Variants in GATAD2A observed in about 807,000 individuals in gnomAD.
GATAD2A encodes the protein GATA zinc finger domain containing 2A, also known as transcriptional repressor p66-alpha.
In GATAD2A, 12 loss-of-function variants were observed where a neutral mutation model predicts 68.5. The observed-to-expected ratio is 0.18, with a 90% CI of 0.11 to 0.28. The LOEUF (loss-of-function observed/expected upper bound fraction) is 0.28. Ranked by LOEUF, GATAD2A falls within the 10% of genes least tolerant of loss-of-function variation. The probability of loss-of-function intolerance (pLI) is 1.00; values close to 1 mark genes in which losing one functional copy is unlikely to be tolerated. For synonymous variants in GATAD2A, 410 were observed against 375.3 expected (o/e 1.09, Z -1.07); for missense variants, 755 against 868.5 (o/e 0.87, Z 1.64).
rs762250426 is a variant in GATAD2A at position 19,506,180 on chromosome 19, C to T, written c.*706C>T. ...GGGATGGCCGAGGCAGCCCTCGCTC[C>T]AGCTGAACGCCTCCATTGCTGCTTG... is the stretch of plus-strand genomic sequence containing the variant. On this transcript the variant is annotated 3_prime_UTR_variant, in exon 12 of 12. Transcript: ENST00000683918. The T allele has an allele frequency of 2.5e-6, 1 of 398,778 alleles. No homozygotes were observed. Among genetic ancestry groups the T allele is most frequent in the Non-Finnish European group, 4.4e-6 (1 of 225,938 alleles). The allele number at this position is 398,778 out of a possible 1,614,324, so 24.7% of individuals were successfully genotyped here. A position where few individuals can be genotyped will look rare whatever the true frequency, so the allele number is the denominator to read the frequency against.
intron 1 of GATAD2A, among the ~76,000 whole-genome samples, chr19:19,410,882 C>T (rs992279915): frequency 2.0e-5 from 3 of 152,184 alleles, no homozygotes; most frequent in Admixed American, 1.3e-4. Context: ...TACTATCTCC[C>T]GTGGAAGGCT....
rs78079701 is a variant in GATAD2A, at chr19:19,496,286, C to T, written c.924+67C>T. 91 of 1,423,216 alleles carry T rather than the reference C, an allele frequency of 6.4e-5. No homozygotes were observed. The East Asian group carries it at 2.0e-3, about 31-fold the overall frequency. 88.2% of individuals were successfully genotyped at this position (1,423,216 alleles called of 1,614,324 possible). A position where few individuals can be genotyped will look rare whatever the true frequency, so the allele number is the denominator to read the frequency against. ...CACCTGTGACTGCTCCCCTTGGACC[C>T]AGGTTCTGGGGCACAGTAGTGTTTC... On this transcript the variant is annotated intron_variant, in intron 7 of 11. Coordinates refer to ENST00000683918, the MANE Select transcript of GATAD2A (RefSeq NM_001384528.1).
chr19:19,470,727 A>G (rs974982054), intron 2 of GATAD2A, among the ~76,000 whole-genome samples: 2 of 151,932 alleles, frequency 1.3e-5, no homozygotes, highest in South Asian at 4.2e-4. Context: ...ACCATAAAAC[A>G]AGGCTCCAGT....
chr19:19,505,819 C>T lies in GATAD2A; in HGVS notation c.*345C>T. 2 of 438,250 alleles carry T rather than the reference C, an allele frequency of 4.6e-6. No homozygotes were observed. The highest frequency in any genetic ancestry group is 1.3e-4 in the South Asian group (2 of 14,970). 27.1% of individuals were successfully genotyped at this position (438,250 alleles called of 1,614,324 possible). On this transcript the variant is annotated 3_prime_UTR_variant, in exon 12 of 12. Coordinates refer to ENST00000683918, the MANE Select transcript of GATAD2A (RefSeq NM_001384528.1). ...GGCCCCCTTGTTCAGCCCCTGCCGG[C>T]ACACGGGCGGCTCACCCTGGACACT...
chr19:19,460,835 G>A (rs1185188662), intron 1 of GATAD2A, among the ~76,000 whole-genome samples: 1 of 152,202 alleles, frequency 6.6e-6, no homozygotes, highest in East Asian at 1.9e-4. Context: ...GAGCAAGCCA[G>A]ATTCCTCCCC....
intron 1 of GATAD2A, among the ~76,000 whole-genome samples, chr19:19,409,686 G>A (rs763894124): frequency 6.6e-6 from 1 of 152,044 alleles, no homozygotes; most frequent in Non-Finnish European, 1.5e-5. Flanking sequence ...AAAAAAAGAC[G>A]GATCTTGAAG....
At chr19:19,501,071 CTG>C (rs2060492785) in intron 8 of GATAD2A, 45 bp from the exon 9 acceptor site, 1 of 1,554,100 alleles carries the variant, frequency 6.4e-7, no homozygotes, top group Non-Finnish European at 8.8e-7. Context: ...AGGGCCCTGA[CTG>C]TCGTCCTGGC....
At chr19:19,422,685 C>T (rs2052563224) in intron 1 of GATAD2A, among the ~76,000 whole-genome samples, 3 of 151,646 alleles carry the variant, frequency 2.0e-5, no homozygotes, top group Admixed American at 6.6e-5. Context: ...TGTGTACAGC[C>T]TTGCATTTCT....
intron 1 of GATAD2A, among the ~76,000 whole-genome samples, chr19:19,429,402 G>A (rs1320416122): frequency 1.3e-5 from 2 of 152,124 alleles, no homozygotes; most frequent in African/African-American, 2.4e-5. Context: ...TTGAAAGGAG[G>A]CCAGGTGGTT....
At chr19:19,486,057 C>A (rs1340552220) in intron 2 of GATAD2A, among the ~76,000 whole-genome samples, 3 of 152,202 alleles carry the variant, frequency 2.0e-5, no homozygotes, top group Non-Finnish European at 4.4e-5. Flanking sequence ...ACCCTGGAAC[C>A]TCCATCAAGG....
rs184947546 is a variant in GATAD2A, at chr19:19,487,686, G to A, written c.270-4620G>A. Among the ~76,000 whole-genome samples, 20 of 152,332 alleles carry A rather than the reference G, an allele frequency of 1.3e-4. No homozygotes were observed. The East Asian group carries it at 3.3e-3, about 25-fold the overall frequency. ...CAGGCTTCCTGAGGCATGTTGAAGA[G>A]GGATGTTCTGCAGGCAGAACATGGC... On this transcript the variant is annotated intron_variant, in intron 2 of 11. Coordinates refer to ENST00000683918, the MANE Select transcript of GATAD2A (RefSeq NM_001384528.1).
chr19:19,401,244 C>A (rs1341982897), upstream of GATAD2A, among the ~76,000 whole-genome samples: 1 of 129,316 alleles, frequency 7.7e-6, no homozygotes, highest in Non-Finnish European at 1.6e-5. Context: ...GAAGGAGTCT[C>A]CTTCTGTCGC....
intron 2 of GATAD2A, 44 bp downstream of exon 2, chr19:19,465,658 A>G (rs749487445): frequency 1.3e-6 from 2 of 1,553,952 alleles, no homozygotes; most frequent in South Asian, 2.3e-5. Flanking sequence ...CCTGGAGACA[A>G]GCCCAGTGTG....
chr19:19,498,977 CG>C (rs1204297185), intron 8 of GATAD2A, among the ~76,000 whole-genome samples: 4 of 152,098 alleles, frequency 2.6e-5, no homozygotes, highest in Admixed American at 2.6e-4. Flanking sequence ...GTGACGTTGG[CG>C]TGTGGTGGGG....
At chr19:19,489,973 T>G (rs1355799585) in intron 2 of GATAD2A, among the ~76,000 whole-genome samples, 1 of 152,192 alleles carries the variant, frequency 6.6e-6, no homozygotes, top group Non-Finnish European at 1.5e-5. Context: ...TGAGGTCACC[T>G]TGAAAGTCGA....
chr19:19,489,031 G>A (rs1568330116), intron 2 of GATAD2A, among the ~76,000 whole-genome samples: 2 of 152,198 alleles, frequency 1.3e-5, no homozygotes, highest in East Asian at 3.8e-4. Context: ...CTGAAATAAT[G>A]CCTGCAATCA....
intron 2 of GATAD2A, among the ~76,000 whole-genome samples, chr19:19,491,104 G>T (rs1323479688): frequency 1.3e-5 from 2 of 152,168 alleles, no homozygotes; most frequent in Non-Finnish European, 2.9e-5. Flanking sequence ...AATCAGACTA[G>T]TGTGTTCCTG....
chr19:19,480,820 T>A (rs2059007646), intron 2 of GATAD2A, among the ~76,000 whole-genome samples: 1 of 152,186 alleles, frequency 6.6e-6, no homozygotes, highest in African/African-American at 2.4e-5. Flanking sequence ...GTTGTGGGTG[T>A]ACCTAGCTGG....
At chr19:19,462,904 G>A (rs994300146) in intron 1 of GATAD2A, among the ~76,000 whole-genome samples, 6 of 152,164 alleles carry the variant, frequency 3.9e-5, no homozygotes, top group African/African-American at 1.4e-4. Flanking sequence ...GAGCTTACAG[G>A]GTGGGAGGCT....
Sources: allele counts gnomAD v4.1 joint callset (sites outside exome capture counted in the v4.1 genomes callset), GRCh38; gene constraint gnomAD v4.1.1; transcripts MANE v1.5; gene names NCBI Gene and HGNC (gene_info 2026-07-23, HGNC 2026-07-21).